Variants in PRDM12 observed in about 807,000 individuals in gnomAD.
PRDM12 encodes the protein PR/SET domain 12.
A neutral mutation model predicts 29.6 loss-of-function variants in PRDM12; 17 were observed. The observed-to-expected ratio is 0.57, with a 90% CI of 0.39 to 0.86. The LOEUF is 0.86. Among genes scored for constraint, PRDM12 ranks in the 40% least tolerant of loss-of-function variants. The pLI is 0.00. For synonymous variants in PRDM12, 231 were observed against 225.8 expected (o/e 1.02, Z -0.21); for missense variants, 422 against 510.8 (o/e 0.83, Z 1.68).
chr9:130,678,471 C>T, intron 3 of PRDM12, 58 bp from the exon 4 acceptor site: 1 of 1,324,818 alleles, frequency 7.5e-7, no homozygotes, highest in Non-Finnish European at 1.1e-6. Context: ...TCAGAGACCC[C>T]CAACTCTCAC....
chr9:130,680,659 A>ATATATATATATTTTT, intron 4 of PRDM12, among the ~76,000 whole-genome samples: 9 of 72,162 alleles, frequency 1.2e-4, no homozygotes, highest in East Asian at 1.3e-3. Flanking sequence ...ATATATATAT[A>ATATATATATATTTTT]TTTTTTTTTT....
In PRDM12 at chr9:130,681,494, A is replaced by G; in HGVS notation, c.929A>G (p.Gln310Arg). The change falls in exon 5 of 5, where the codon CAG (glutamine) becomes CGG (arginine). Residue 310 changes from glutamine (Q) to arginine (R), a missense_variant. Around this residue, in one of 5 missense-constraint regions of PRDM12, gnomAD observed 24 missense variants for 64.0 expected, o/e 0.38. Coordinates refer to ENST00000253008, the MANE Select transcript of PRDM12 (RefSeq NM_021619.3). The surrounding 1 kb of genome is among the most constrained non-coding windows in gnomAD (Gnocchi z 8.1). ...CAGGTGTGCCAGAGCGCCTACTCGC[A>G]GCTGGCCGGCCTGCGCGCCCACCAG... ...KCQVCQSAYS[Q>R]LAGLRAHQKS... 2 of 1,497,652 alleles carry G rather than the reference A, an allele frequency of 1.3e-6. No individual in the cohort carries two copies. The highest frequency in any genetic ancestry group is 1.8e-6 in the Non-Finnish European group (2 of 1,121,640). The allele number at this position is 1,497,652 out of a possible 1,614,324, so 92.8% of individuals were successfully genotyped here. A position where few individuals can be genotyped will look rare whatever the true frequency, so the allele number is the denominator to read the frequency against.
intron 3 of PRDM12, among the ~76,000 whole-genome samples, chr9:130,673,444 T>C (rs760327695): frequency 6.6e-6 from 1 of 152,110 alleles, no homozygotes; most frequent in Non-Finnish European, 1.5e-5. Context: ...TTCTGGGCAG[T>C]TGGGGCTGCT....
chr9:130,666,442 TC>T (rs1261147955), intron 1 of PRDM12, among the ~76,000 whole-genome samples, 165 bp from the exon 2 acceptor site: 2 of 152,200 alleles, frequency 1.3e-5, no homozygotes, highest in Non-Finnish European at 2.9e-5. Flanking sequence ...TCGTTGAGCC[TC>T]CGCACATCCG....
Position 130,681,887 on chromosome 9 carries a change from G to A in PRDM12, c.*218G>A. The A allele has an allele frequency of 3.5e-6, 1 of 283,770 alleles. No individual in the cohort carries two copies. The highest frequency in any genetic ancestry group is 1.3e-4 in the South Asian group (1 of 7,420). The allele number at this position is 283,770 out of a possible 1,614,324, so 17.6% of individuals were successfully genotyped here. ...CGGCGTCCCTCACCCAGGCCACGCA[G>A]CTGGTGCGGCTGTTCGGCCGCCTCC... On this transcript the variant is annotated 3_prime_UTR_variant, in exon 5 of 5. Coordinates refer to ENST00000253008, the MANE Select transcript of PRDM12 (RefSeq NM_021619.3). This position sits in a 1 kb window ranked among gnomAD's most constrained non-coding sequence, Gnocchi z 8.1.
At chr9:130,665,495 G>T (rs1830724492) in intron 1 of PRDM12, among the ~76,000 whole-genome samples, 1 of 152,066 alleles carries the variant, frequency 6.6e-6, no homozygotes, top group South Asian at 2.1e-4. Context: ...CCCCCTTTAC[G>T]ATTTCTGTTC....
chr9:130,678,503 A>AC, intron 3 of PRDM12, 26 bp from the exon 4 acceptor site: 1 of 1,561,116 alleles, frequency 6.4e-7, no homozygotes, highest in Non-Finnish European at 8.8e-7. Flanking sequence ...GGCCTCCCTG[A>AC]CCTCCTCTTG....
intron 1 of PRDM12, among the ~76,000 whole-genome samples, chr9:130,665,554 T>C (rs1830725138): frequency 1.3e-5 from 2 of 152,118 alleles, no homozygotes; most frequent in South Asian, 4.1e-4. Context: ...TCACGCTATG[T>C]CAACCATCTA....
intron 4 of PRDM12, among the ~76,000 whole-genome samples, chr9:130,679,330 CTTTTTTTTTTTT>C (rs68186892): frequency 8.6e-6 from 1 of 116,540 alleles, no homozygotes; most frequent in Admixed American, 9.5e-5. Flanking sequence ...TTCTTTCTTC[CTTTTTTTTTTTT>C]TTTTTTTTGA....
intron 4 of PRDM12, among the ~76,000 whole-genome samples, chr9:130,680,638 T>TAC (rs1830887801): frequency 1.2e-5 from 1 of 84,748 alleles, no homozygotes; most frequent in African/African-American, 6.7e-5. Flanking sequence ...AAAAAAAATA[T>TAC]ATATATATAT....
Position 130,681,167 on chromosome 9 carries a change from C to A in PRDM12, c.683-81C>A. 7.7e-7 allele frequency: 1 copy of A among 1,302,372 alleles called. No individual in the cohort carries two copies. Among genetic ancestry groups the A allele is most frequent in the Non-Finnish European group, 9.9e-7 (1 of 1,012,802 alleles). The allele number at this position is 1,302,372 out of a possible 1,614,324, so 80.7% of individuals were successfully genotyped here. A position where few individuals can be genotyped will look rare whatever the true frequency, so the allele number is the denominator to read the frequency against. ...GGGCTGGGGGCGCTGAGGGCCCGGG[C>A]TGCGGGGCGCCGGTTCTAACGGGGC... On this transcript the variant is annotated intron_variant, in intron 4 of 4. Coordinates refer to ENST00000253008, the MANE Select transcript of PRDM12 (RefSeq NM_021619.3). The surrounding 1 kb of genome is among the most constrained non-coding windows in gnomAD (Gnocchi z 8.1).
chr9:130,671,598 A>G (rs1256746148), intron 3 of PRDM12, among the ~76,000 whole-genome samples: 1 of 152,210 alleles, frequency 6.6e-6, no homozygotes, highest in East Asian at 1.9e-4. Context: ...CCATTTTGTC[A>G]CAATGTCAGA....
At position 130,681,677 on chromosome 9, in the gene PRDM12, C is replaced by A. The variant is rs911904022; in HGVS notation, c.*8C>A. 2 of 979,946 alleles carry A rather than the reference C, an allele frequency of 2.0e-6. No homozygotes were observed. Among genetic ancestry groups the A allele is most frequent in the African/African-American group, 1.8e-5 (1 of 56,620 alleles). The allele number at this position is 979,946 out of a possible 1,614,324, so 60.7% of individuals were successfully genotyped here. ...CCGGCCATGGTGCTGTGAGCGCGCC[C>A]GCGCCCCCGCCGGGCCCCGCGCGCT... On this transcript the variant is annotated 3_prime_UTR_variant, in exon 5 of 5. Coordinates refer to ENST00000253008, the MANE Select transcript of PRDM12 (RefSeq NM_021619.3). This position sits in a 1 kb window ranked among gnomAD's most constrained non-coding sequence, Gnocchi z 8.1.
chr9:130,667,445 C>G (rs1830743781), intron 2 of PRDM12, among the ~76,000 whole-genome samples: 1 of 152,150 alleles, frequency 6.6e-6, no homozygotes, highest in African/African-American at 2.4e-5. Flanking sequence ...GTGCTTCTTC[C>G]TAACTTTGCA....
intron 3 of PRDM12, among the ~76,000 whole-genome samples, chr9:130,675,443 C>T (rs1387083824): frequency 6.6e-6 from 1 of 152,164 alleles, no homozygotes; most frequent in Non-Finnish European, 1.5e-5. Context: ...TTGCTGGACA[C>T]TGAAGACAGA....
intron 4 of PRDM12, among the ~76,000 whole-genome samples, chr9:130,680,659 A>ATATATATATATATATATTTTTTTTT: frequency 1.4e-5 from 1 of 72,200 alleles, no homozygotes; most frequent in Non-Finnish European, 2.2e-5. Flanking sequence ...ATATATATAT[A>ATATATATATATATATATTTTTTTTT]TTTTTTTTTT....
At chr9:130,673,657 G>A (rs961183777) in intron 3 of PRDM12, among the ~76,000 whole-genome samples, 17 of 139,284 alleles carry the variant, frequency 1.2e-4, no homozygotes, top group East Asian at 8.7e-4. Context: ...CACCACTCAC[G>A]GCTAATTTTT....
intron 3 of PRDM12, among the ~76,000 whole-genome samples, chr9:130,669,087 A>G (rs1212723078): frequency 6.6e-6 from 1 of 151,896 alleles, no homozygotes; most frequent in Non-Finnish European, 1.5e-5. Context: ...GAGGTGAGTG[A>G]ATTGCCGAGG....
rs1038762764 is a variant in PRDM12 at position 130,665,088 on chromosome 9, CCGACCCCGG to C, written c.223+221_223+229del. On this transcript the variant is annotated intron_variant, in intron 1 of 4. Transcript: ENST00000253008. ...CTCCGCAGCCCACCCGGCTCAAGGA[CCGACCCCGG>C]CGACCCCGTCGCTCGGCCCCGACGC... 2.0e-5 allele frequency among the ~76,000 whole-genome samples: 3 copies of C among 152,188 alleles called. 1 individual carries two copies.
Sources: allele counts gnomAD v4.1 joint callset (sites outside exome capture counted in the v4.1 genomes callset), GRCh38; gene constraint gnomAD v4.1.1; regional missense constraint gnomAD v4.1.1; non-coding constraint Gnocchi (gnomAD v3.1); transcripts MANE v1.5; gene names NCBI Gene and HGNC (gene_info 2026-07-23, HGNC 2026-07-21).